The following GRIK2 variants were observed in gnomAD, a reference collection of about 807,000 sequenced individuals.
GRIK2 encodes glutamate receptor ionotropic, kainate 2.
A neutral mutation model predicts 100.3 loss-of-function variants in GRIK2; 32 were observed. That is an observed-to-expected ratio of 0.32 (90% CI 0.24 to 0.43). GRIK2 has a LOEUF of 0.43. Ranked by LOEUF, GRIK2 falls within the 20% of genes least tolerant of loss-of-function variation. The pLI, the probability that GRIK2 is intolerant of heterozygous loss-of-function variation, is 1.00. For synonymous variants in GRIK2, 417 were observed against 389.4 expected (o/e 1.07, Z -0.83); for missense variants, 843 against 1,114.9 (o/e 0.76, Z 3.47).
rs1407359001 is a variant in GRIK2, at chr6:101,928,455, G to T, written c.1908G>T (p.Val636=). 2.5e-6 allele frequency: 4 copies of T among 1,607,824 alleles called. No individual in the cohort carries two copies. The East Asian group carries it at 8.9e-5, about 36-fold the overall frequency. ...LMPKALSTRI[V]GGIWWFFTLI... is the part of the protein sequence containing the mutation. ...CCAAAGCACTGTCCACCAGGATAGT[G>T]GGAGGCATTTGGTGGTTTTTCACAC... The change falls in exon 14 of 17, where the codon GTG becomes GTT. Residue 636 remains valine, a synonymous_variant. Coordinates refer to ENST00000369134, the MANE Select transcript of GRIK2 (RefSeq NM_021956.5).
intron 2 of GRIK2, among the ~76,000 whole-genome samples, chr6:101,501,562 T>G (rs911872582): frequency 1.3e-5 from 2 of 152,216 alleles, no homozygotes. Context: ...GGGCTTTACA[T>G]TCAAATTGAC....
intron 14 of GRIK2, among the ~76,000 whole-genome samples, chr6:101,982,985 A>G (rs1345830249): frequency 6.6e-6 from 1 of 151,842 alleles, no homozygotes; most frequent in Admixed American, 6.6e-5. Context: ...GGGGAAAAAC[A>G]TGCCTAAAAG....
chr6:101,877,643 A>G (rs1156490530), intron 11 of GRIK2, among the ~76,000 whole-genome samples: 1 of 152,006 alleles, frequency 6.6e-6, no homozygotes, highest in Non-Finnish European at 1.5e-5. Flanking sequence ...ATCTGAGTAC[A>G]AAATAAGTAT....
chr6:101,822,101 T>C (rs972869544), intron 10 of GRIK2, among the ~76,000 whole-genome samples: 9 of 151,944 alleles, frequency 5.9e-5, no homozygotes, highest in Non-Finnish European at 1.3e-4. Flanking sequence ...TGAATATGTA[T>C]TGAATAATAA....
chr6:101,436,215 A>G (rs11156075), intron 2 of GRIK2, among the ~76,000 whole-genome samples: 8,418 of 152,058 alleles, frequency 0.055, 556 homozygotes, highest in East Asian at 0.33. Context: ...CATTTTACTA[A>G]TTATTCATTT....
chr6:101,452,977 A>G (rs1053031083), intron 2 of GRIK2, among the ~76,000 whole-genome samples: 2 of 151,886 alleles, frequency 1.3e-5, no homozygotes, highest in African/African-American at 4.8e-5. Flanking sequence ...TCTTTCAGTT[A>G]CTATAAAAAT....
intron 7 of GRIK2, among the ~76,000 whole-genome samples, chr6:101,771,445 A>T (rs1261905486): frequency 2.0e-5 from 3 of 151,878 alleles, no homozygotes. Flanking sequence ...ATGGAAGCCC[A>T]GTTCTGGACT....
chr6:101,951,934 A>C (rs891703479), intron 14 of GRIK2, among the ~76,000 whole-genome samples: 5 of 152,336 alleles, frequency 3.3e-5, no homozygotes, highest in Admixed American at 3.3e-4. Context: ...AGAGTCCCAC[A>C]ATGTAATATC....
In GRIK2 at chr6:101,829,020, G is replaced by A. The variant is rs184192448; in HGVS notation, c.1317+10537G>A. On this transcript the variant is annotated intron_variant, in intron 10 of 16. Coordinates refer to ENST00000369134, the MANE Select transcript of GRIK2 (RefSeq NM_021956.5). ...TAGACACAAAAATTCTCAACAAAAT[G>A]TAACCAAACAAAATCCAGCAGCACA... Among the ~76,000 whole-genome samples the A allele has an allele frequency of 7.6e-4, 115 of 151,862 alleles. 1 individual carries two copies. Among genetic ancestry groups the A allele is most frequent in the African/African-American group, 2.5e-3 (103 of 41,506 alleles).
At chr6:101,788,972 CT>C (rs1379985714) in intron 7 of GRIK2, among the ~76,000 whole-genome samples, 3 of 151,570 alleles carry the variant, frequency 2.0e-5, no homozygotes, top group African/African-American at 7.3e-5. Flanking sequence ...TGATGATGAG[CT>C]TTTTTTCATG....
chr6:101,812,652 T>C (rs933492775), intron 9 of GRIK2, among the ~76,000 whole-genome samples: 1 of 152,012 alleles, frequency 6.6e-6, no homozygotes, highest in Non-Finnish European at 1.5e-5. Context: ...GGAATTAGTT[T>C]TTACTAGACA....
At chr6:101,636,170 T>TA (rs1010873834) in intron 4 of GRIK2, among the ~76,000 whole-genome samples, 2 of 151,802 alleles carry the variant, frequency 1.3e-5, no homozygotes, top group African/African-American at 2.4e-5. Flanking sequence ...TATGCAGCCA[T>TA]AAAAAAAAGG....
intron 7 of GRIK2, among the ~76,000 whole-genome samples, chr6:101,718,717 C>A (rs1400092689): frequency 6.6e-6 from 1 of 151,828 alleles, no homozygotes; most frequent in African/African-American, 2.4e-5. Context: ...CAGTTCACCA[C>A]CTTTATTCTT....
At chr6:101,470,632 G>T (rs369462636) in intron 2 of GRIK2, among the ~76,000 whole-genome samples, 1 of 152,092 alleles carries the variant, frequency 6.6e-6, no homozygotes, top group Non-Finnish European at 1.5e-5. Context: ...GATGGGGGAA[G>T]AGTAGGGTGA....
At chr6:101,856,155 T>C (rs898968593) in intron 10 of GRIK2, among the ~76,000 whole-genome samples, 1 of 152,116 alleles carries the variant, frequency 6.6e-6, no homozygotes, top group East Asian at 1.9e-4. Flanking sequence ...TTTCAAGTAG[T>C]AGTGGGGAGG....
At chr6:101,396,816 T>C (rs931110562) in intron 1 of GRIK2, among the ~76,000 whole-genome samples, 2 of 152,242 alleles carry the variant, frequency 1.3e-5, no homozygotes, top group Non-Finnish European at 1.5e-5. Flanking sequence ...AATTGCTGTC[T>C]GTTGTGCTAA....
At chr6:101,444,646 T>G (rs929842051) in intron 2 of GRIK2, among the ~76,000 whole-genome samples, 1 of 152,136 alleles carries the variant, frequency 6.6e-6, no homozygotes, top group Non-Finnish European at 1.5e-5. Flanking sequence ...GTAAAAATTT[T>G]CAATTCAGGA....
chr6:101,715,054 C>G (rs1253197302), intron 7 of GRIK2, among the ~76,000 whole-genome samples: 1 of 151,192 alleles, frequency 6.6e-6, no homozygotes, highest in Non-Finnish European at 1.5e-5. Context: ...AGAAAAGGAA[C>G]CATATAAAAT....
chr6:101,416,457 C>T (rs1428363519), intron 2 of GRIK2, among the ~76,000 whole-genome samples: 3 of 152,142 alleles, frequency 2.0e-5, no homozygotes, highest in Non-Finnish European at 2.9e-5. Flanking sequence ...AATCAGACTT[C>T]TCTTTGCTTT....
Sources: gnomAD v4.1 joint callset for allele counts (sites outside exome capture counted in the v4.1 genomes callset) on GRCh38, gnomAD v4.1.1 for gene constraint, MANE v1.5 for transcripts, NCBI Gene and HGNC (gene_info 2026-07-23, HGNC 2026-07-21) for gene names.